The following FAM76A variants were observed in gnomAD, a reference collection of about 807,000 sequenced individuals.
FAM76A encodes protein FAM76A.
In FAM76A, 32 loss-of-function variants were observed where a neutral mutation model predicts 46.2. The ratio of observed to expected loss-of-function variants is 0.69; its 90% CI spans 0.52 to 0.93. FAM76A has a LOEUF of 0.93. Ranked by LOEUF, FAM76A falls within the 40% of genes least tolerant of loss-of-function variation. The pLI is 0.00. For synonymous variants in FAM76A, 137 were observed against 127.0 expected, an observed-to-expected ratio of 1.08 and a Z score of -0.53; for missense variants, 274 against 361.5, an observed-to-expected ratio of 0.76 and a Z score of 1.96.
At chr1:27,743,143 T>TA (rs1191193830) in intron 4 of FAM76A, among the ~76,000 whole-genome samples, 1 of 152,182 alleles carries the variant, frequency 6.6e-6, no homozygotes, top group African/African-American at 2.4e-5. Context: ...TATACATTTT[T>TA]AAAAAATATC....
chr1:27,727,585 A>G (rs1430312737), intron 2 of FAM76A, 49 bp downstream of exon 2: 2 of 1,401,678 alleles, frequency 1.4e-6, no homozygotes, highest in Non-Finnish European at 2.0e-6. Context: ...TTTTCCTCTT[A>G]AAATCTGTAA....
At chr1:27,743,181 C>T (rs377476684) in intron 4 of FAM76A, among the ~76,000 whole-genome samples, 4 of 152,096 alleles carry the variant, frequency 2.6e-5, no homozygotes, top group East Asian at 1.9e-4. Flanking sequence ...GAAAGGGTCT[C>T]GCTCTGTCAC....
intron 6 of FAM76A, 57 bp from the exon 7 acceptor site, chr1:27,755,138 G>A: frequency 3.1e-6 from 5 of 1,598,998 alleles, no homozygotes; most frequent in Non-Finnish European, 4.3e-6. Flanking sequence ...GCATCCTCAG[G>A]TAGAGAAAAG....
chr1:27,733,570 G>A (rs1291632416), intron 3 of FAM76A, among the ~76,000 whole-genome samples: 2 of 151,854 alleles, frequency 1.3e-5, no homozygotes, highest in South Asian at 2.1e-4. Flanking sequence ...CTTCATGGCC[G>A]GGCGTGGTGG....
intron 4 of FAM76A, chr1:27,740,435 G>C (rs989319240): frequency 9.5e-6 from 14 of 1,472,382 alleles, no homozygotes; most frequent in Non-Finnish European, 1.3e-5. Flanking sequence ...ACTGGTTGAG[G>C]ACCCAGTTCC....
At chr1:27,745,001 C>A (rs1278867448) in intron 5 of FAM76A, among the ~76,000 whole-genome samples, 190 bp downstream of exon 5, 1 of 152,200 alleles carries the variant, frequency 6.6e-6, no homozygotes, top group African/African-American at 2.4e-5. Context: ...GAGAGATTTC[C>A]ATAAAGTGTC....
intron 8 of FAM76A, 63 bp downstream of exon 8, chr1:27,759,690 T>C (rs1368557834): frequency 1.8e-6 from 2 of 1,098,486 alleles, no homozygotes. Context: ...CCTAGCTGAT[T>C]GTATTTTAAG....
At chr1:27,727,642 A>G in intron 2 of FAM76A, 106 bp downstream of exon 2, 2 of 815,890 alleles carry the variant, frequency 2.5e-6, no homozygotes, top group Non-Finnish European at 4.1e-6. Flanking sequence ...GCATTGTAAA[A>G]TACAGATCTG....
intron 5 of FAM76A, among the ~76,000 whole-genome samples, chr1:27,745,164 T>C (rs2088221804): frequency 6.6e-6 from 1 of 152,110 alleles, no homozygotes. Context: ...AGGAGGCTGA[T>C]AGATGTCCTA....
rs987822654 is a variant in FAM76A, at chr1:27,744,764, G to A, written c.465G>A (p.Gln155=). 1 of 1,614,042 alleles carries A rather than the reference G, an allele frequency of 6.2e-7. No homozygotes were observed. Among genetic ancestry groups the A allele is most frequent in the Non-Finnish European group, 8.5e-7 (1 of 1,180,044 alleles). Residue 155 remains glutamine, a synonymous_variant, in exon 5 of 9, where the codon CAG becomes CAA. Coordinates refer to ENST00000373954, the MANE Select transcript of FAM76A (RefSeq NM_152660.3). ...GTAGCTCTTCTCGTGCTGGCCACCA[G>A]GAGAAGGAGCAGTATAGTCGCCTGA... is the stretch of plus-strand genomic sequence containing the variant. ...HLSSSSRAGH[Q]EKEQYSRLSG... is the part of the protein sequence containing the mutation.
chr1:27,737,868 C>CAAAAAAAAAAAAAAAAAAAAAAA (rs71571865), intron 4 of FAM76A, among the ~76,000 whole-genome samples: 4 of 62,716 alleles, frequency 6.4e-5, no homozygotes, highest in Non-Finnish European at 6.6e-5. Flanking sequence ...ACAACAACAA[C>CAAAAAAAAAAAAAAAAAAAAAAA]AAAAAAAAAA....
intron 8 of FAM76A, chr1:27,760,008 A>T (rs1310714762): frequency 2.2e-6 from 1 of 458,192 alleles, no homozygotes; most frequent in Admixed American, 2.3e-5. Context: ...CCTGGCTTCA[A>T]GCAATCCTCC....
chr1:27,753,649 T>C (rs1247935334), intron 6 of FAM76A, among the ~76,000 whole-genome samples: 1 of 152,230 alleles, frequency 6.6e-6, no homozygotes, highest in Non-Finnish European at 1.5e-5. Flanking sequence ...AATATTCTTG[T>C]CGATTATTTA....
Position 27,760,586 on chromosome 1 carries a change from C to G in FAM76A, c.*5C>G. On this transcript the variant is annotated 3_prime_UTR_variant, in exon 9 of 9. Coordinates refer to ENST00000373954, the MANE Select transcript of FAM76A (RefSeq NM_152660.3). ...GGAGCTATAACCTCTCCATGACAGA[C>G]CTCAAGGAGGCTCCCTAGCAACAGC... 6.2e-7 allele frequency: 1 copy of G among 1,603,074 alleles called. No individual in the cohort carries two copies. The highest frequency in any genetic ancestry group is 8.5e-7 in the Non-Finnish European group (1 of 1,173,344).
At chr1:27,742,539 T>C (rs1291983993) in intron 4 of FAM76A, among the ~76,000 whole-genome samples, 1 of 152,118 alleles carries the variant, frequency 6.6e-6, no homozygotes, top group Non-Finnish European at 1.5e-5. Flanking sequence ...TGAGAGATGG[T>C]ATCCAGCATA....
intron 6 of FAM76A, among the ~76,000 whole-genome samples, chr1:27,751,553 G>A (rs895656432): frequency 1.3e-5 from 2 of 149,502 alleles, no homozygotes; most frequent in African/African-American, 2.5e-5. Flanking sequence ...TGCCCAGGCT[G>A]GAATGCAGTG....
At chr1:27,759,451 C>A in intron 7 of FAM76A, 75 bp from the exon 8 acceptor site, 1 of 933,138 alleles carries the variant, frequency 1.1e-6, no homozygotes, top group Non-Finnish European at 1.7e-6. Flanking sequence ...TTTGGGTGAC[C>A]ATTTAGCTCT....
intron 4 of FAM76A, chr1:27,739,534 C>T (rs921519125): frequency 3.0e-5 from 10 of 335,608 alleles, no homozygotes; most frequent in South Asian, 1.5e-4. Flanking sequence ...CACCTGTAAT[C>T]GTAGCACTTT....
chr1:27,754,380 A>G (rs1341223767), intron 6 of FAM76A, among the ~76,000 whole-genome samples: 1 of 152,156 alleles, frequency 6.6e-6, no homozygotes, highest in African/African-American at 2.4e-5. Context: ...TGCTGGGATT[A>G]TAGGCGTGAG....
Sources: allele counts gnomAD v4.1 joint callset (sites outside exome capture counted in the v4.1 genomes callset), GRCh38; gene constraint gnomAD v4.1.1; transcripts MANE v1.5; gene names NCBI Gene and HGNC (gene_info 2026-07-23, HGNC 2026-07-21).